Variants in XPR1 observed in about 807,000 individuals in gnomAD.
XPR1 encodes the protein solute carrier family 53 member 1.
Under a neutral mutation model 87.5 loss-of-function variants are expected in XPR1, and 28 were observed. The observed-to-expected ratio is 0.32, with a 90% confidence interval of 0.24 to 0.44. The LOEUF is 0.44. Among genes scored for constraint, XPR1 ranks in the 20% least tolerant of loss-of-function variants. XPR1 has a pLI of 1.00. For missense variants in XPR1, 559 were observed against 862.3 expected, an observed-to-expected ratio of 0.65 and a Z score of 4.41; for synonymous variants, 300 against 306.1, an observed-to-expected ratio of 0.98 and a Z score of 0.21.
Position 180,829,661 on chromosome 1 carries a change from G to A in XPR1, c.1134+4317G>A, listed in dbSNP as rs185098952. 2.5e-3 allele frequency among the ~76,000 whole-genome samples: 379 copies of A among 152,234 alleles called. 2 individuals are homozygous for A. The highest frequency in any genetic ancestry group is 7.7e-3 in the African/African-American group (320 of 41,560). ...TGTGGATCATTAAGGCCTGTAAGCC[G>A]CAGTGCCTGACATTTAATAAATACT... On this transcript the variant is annotated intron_variant, in intron 9 of 14. Coordinates refer to ENST00000367590, the MANE Select transcript of XPR1 (RefSeq NM_004736.4).
intron 4 of XPR1, 54 bp downstream of exon 4, chr1:180,803,665 A>G: frequency 6.8e-7 from 1 of 1,466,936 alleles, no homozygotes; most frequent in Non-Finnish European, 9.4e-7. Flanking sequence ...GAGAAATTTC[A>G]ATAAATGGAA....
chr1:180,882,971 T>G (rs993619770), intron 14 of XPR1, among the ~76,000 whole-genome samples: 1 of 150,410 alleles, frequency 6.6e-6, no homozygotes, highest in Non-Finnish European at 1.5e-5. Flanking sequence ...GGGTTGGTTG[T>G]TTTTTTTTGG....
At chr1:180,670,904 T>C (rs1385821531) in intron 1 of XPR1, among the ~76,000 whole-genome samples, 1 of 152,196 alleles carries the variant, frequency 6.6e-6, no homozygotes, top group African/African-American at 2.4e-5. Flanking sequence ...TCTCTTTTAG[T>C]ACTTTGACTA....
At chr1:180,702,644 T>A (rs1657385832) in intron 2 of XPR1, among the ~76,000 whole-genome samples, 1 of 152,134 alleles carries the variant, frequency 6.6e-6, no homozygotes, top group Non-Finnish European at 1.5e-5. Flanking sequence ...TTTTGATTTT[T>A]AAAAATGGTA....
chr1:180,845,512 C>A (rs1436077098), intron 11 of XPR1, among the ~76,000 whole-genome samples: 1 of 151,612 alleles, frequency 6.6e-6, no homozygotes, highest in African/African-American at 2.4e-5. Context: ...AGAATAATGA[C>A]TGTGTGTGTG....
intron 14 of XPR1, among the ~76,000 whole-genome samples, chr1:180,882,301 C>T (rs771589947): frequency 1.3e-5 from 2 of 152,206 alleles, no homozygotes; most frequent in Non-Finnish European, 2.9e-5. Context: ...AGTTTCAGTA[C>T]TGACTTTATC....
At chr1:180,752,663 A>G (rs12089474) in intron 2 of XPR1, among the ~76,000 whole-genome samples, 3,097 of 152,230 alleles carry the variant, frequency 0.02, 109 homozygotes, top group African/African-American at 0.071. Flanking sequence ...ACTAAGGATT[A>G]TCATGTTTTG....
rs1571838482 is a variant in XPR1 at position 180,787,831 on chromosome 1, C to A, written c.200C>A (p.Ala67Asp). 6.2e-7 allele frequency: 1 copy of A among 1,612,616 alleles called. No homozygotes were observed. Among genetic ancestry groups the A allele is most frequent in the Non-Finnish European group, 8.5e-7 (1 of 1,179,538 alleles). ...TTCCAAACCTGTGAAAAAGAACTTGCCAAAATCAACACATTTTATTCAGGT... is the reference window on the plus strand; with the variant it reads ...TTCCAAACCTGTGAAAAAGAACTTGACAAAATCAACACATTTTATTCAGGT... ...KFFQTCEKELAKINTFYSEKL... is the reference protein window; with the variant it reads ...KFFQTCEKELDKINTFYSEKL... Residue 67 changes from alanine (A) to aspartate (D), a missense_variant, in exon 3 of 15, where the codon GCC becomes GAC. By Grantham distance (126) the Ala-to-Asp change is moderately radical. Around this residue, in one of 7 missense-constraint regions of XPR1, gnomAD observed 159 missense variants for 263.3 expected, o/e 0.60. Transcript: ENST00000367590.
chr1:180,704,229 A>G (rs555035223), intron 2 of XPR1, among the ~76,000 whole-genome samples: 1 of 105,716 alleles, frequency 9.5e-6, no homozygotes, highest in South Asian at 3.1e-4. Flanking sequence ...TTTTCTCAAG[A>G]ACACTATAGG....
chr1:180,834,481 A>C (rs1318203406), intron 9 of XPR1, among the ~76,000 whole-genome samples: 2 of 152,240 alleles, frequency 1.3e-5, no homozygotes, highest in Non-Finnish European at 2.9e-5. Flanking sequence ...CTTTAGGCTC[A>C]AATACTTGAA....
chr1:180,801,958 G>A (rs1377455640), intron 3 of XPR1, among the ~76,000 whole-genome samples: 2 of 151,738 alleles, frequency 1.3e-5, no homozygotes, highest in Admixed American at 6.6e-5. Context: ...CACCACGCCC[G>A]GCTAATTTTG....
At chr1:180,831,351 C>CTTTTCTTTTTCT (rs1553252324) in intron 9 of XPR1, among the ~76,000 whole-genome samples, 1 of 96,062 alleles carries the variant, frequency 1.0e-5, no homozygotes, top group Non-Finnish European at 2.1e-5. Context: ...TTTCTATTTT[C>CTTTTCTTTTTCT]TTTTCTTTTT....
intron 1 of XPR1, among the ~76,000 whole-genome samples, chr1:180,650,530 G>A (rs777098772): frequency 6.6e-6 from 1 of 152,156 alleles, no homozygotes; most frequent in Non-Finnish European, 1.5e-5. Flanking sequence ...CTGGAAAAAT[G>A]TTAGCAAAAA....
At chr1:180,651,606 CA>C (rs1209404839) in intron 1 of XPR1, among the ~76,000 whole-genome samples, 2 of 152,008 alleles carry the variant, frequency 1.3e-5, no homozygotes, top group African/African-American at 4.8e-5. Flanking sequence ...TGATAAAATA[CA>C]ATAGTATTTT....
intron 1 of XPR1, among the ~76,000 whole-genome samples, chr1:180,674,586 T>C (rs541563637): frequency 6.6e-6 from 1 of 151,118 alleles, no homozygotes; most frequent in East Asian, 1.9e-4. Context: ...AGAGACAGGG[T>C]TTTTACTATG....
intron 2 of XPR1, among the ~76,000 whole-genome samples, chr1:180,701,516 C>A (rs1657331209): frequency 7.1e-6 from 1 of 140,212 alleles, no homozygotes; most frequent in African/African-American, 3.0e-5. Flanking sequence ...TGCTGGATTA[C>A]ATTTATTGAT....
chr1:180,761,439 C>T (rs1648027147), intron 2 of XPR1, among the ~76,000 whole-genome samples: 1 of 152,184 alleles, frequency 6.6e-6, no homozygotes, highest in African/African-American at 2.4e-5. Flanking sequence ...AAACAACCAA[C>T]CCCATCAAAA....
chr1:180,633,378 C>G (rs1303588879), intron 1 of XPR1, among the ~76,000 whole-genome samples: 2 of 152,122 alleles, frequency 1.3e-5, no homozygotes, highest in Non-Finnish European at 2.9e-5. Flanking sequence ...AATATAAAAT[C>G]AATATGAACA....
chr1:180,632,181 G>C lies in XPR1; in HGVS notation c.-21G>C, dbSNP rs1206016682. On this transcript the variant is annotated 5_prime_UTR_variant, in exon 1 of 15. Transcript: ENST00000367590. ...GCCTGTAGCTGCTGGACCCGAGTGG[G>C]AGTGAGGGGGAAACGGCAGGATGAA... 3.7e-6 allele frequency: 6 copies of C among 1,600,256 alleles called. No homozygotes were observed. The African/African-American group carries it at 8.0e-5, about 21-fold the overall frequency.
Sources: allele counts gnomAD v4.1 joint callset (sites outside exome capture counted in the v4.1 genomes callset), GRCh38; gene constraint gnomAD v4.1.1; regional missense constraint gnomAD v4.1.1; transcripts MANE v1.5; gene names NCBI Gene and HGNC (gene_info 2026-07-23, HGNC 2026-07-21).